The following DMRTA2 variants were observed in gnomAD, a reference collection of about 807,000 sequenced individuals.
DMRTA2 encodes doublesex- and mab-3-related transcription factor A2.
DMRTA2 carries 10 observed loss-of-function variants against 29.7 expected under a neutral mutation model. That is an observed-to-expected ratio of 0.34 (90% CI 0.21 to 0.57). The LOEUF (loss-of-function observed/expected upper bound fraction) is 0.57. DMRTA2 is among the 20% of genes least tolerant of loss of function. The probability of loss-of-function intolerance (pLI) is 0.87; values close to 1 mark genes in which losing one functional copy is unlikely to be tolerated. For synonymous variants in DMRTA2, 469 were observed against 402.6 expected (o/e 1.16, Z -1.97); for missense variants, 783 against 812.1 (o/e 0.96, Z 0.44).
Position 50,419,676 on chromosome 1 carries a change from C to G in DMRTA2, c.618G>C (p.Pro206=), listed in dbSNP as rs769754528. Reference sequence around the variant, plus strand: ...TCACCGGCGGCGGCAGCGGGCTGCCCGGGCGGCCTGCCTGCAGCAGCGTCT... The same window carrying G: ...TCACCGGCGGCGGCAGCGGGCTGCCGGGGCGGCCTGCCTGCAGCAGCGTCT... The part of the protein sequence containing the change: ...FPKTLLQAGR[P]GSPLPPPVKP... The change falls in exon 3 of 3, where the codon CCG becomes CCC. Residue 206 remains proline (P), a synonymous_variant. Transcript: ENST00000404795. The surrounding 1 kb of genome is among the most constrained non-coding windows in gnomAD (Gnocchi z 6.1). The G allele has an allele frequency of 1.3e-6, 2 of 1,496,072 alleles. No individual in the cohort carries two copies. Among genetic ancestry groups the G allele is most frequent in the Non-Finnish European group, 1.8e-6 (2 of 1,126,820 alleles). 92.7% of individuals were successfully genotyped at this position (1,496,072 alleles called of 1,614,324 possible). A position where few individuals can be genotyped will look rare whatever the true frequency, so the allele number is the denominator to read the frequency against.
rs1405723758 is a variant in DMRTA2, at chr1:50,421,249, G to A, written c.288C>T (p.Cys96=). The A allele has an allele frequency of 2.6e-6, 4 of 1,536,318 alleles. No individual in the cohort carries two copies. Among genetic ancestry groups the A allele is most frequent in the Middle Eastern group, 1.7e-4 (1 of 5,924 alleles). The change falls in exon 2 of 3, where the codon TGC becomes TGT. Residue 96 remains cysteine (C), a synonymous_variant. Coordinates refer to ENST00000404795, the MANE Select transcript of DMRTA2 (RefSeq NM_032110.3). The surrounding 1 kb of genome is among the most constrained non-coding windows in gnomAD (Gnocchi z 8.7). ...GCTCCGCGATGAGCGTGCACTTGGC[G>A]CACAGGCAGTCCTTCCAGCGACAGT... The part of the protein sequence containing the change: ...KRYCRWKDCL[C]AKCTLIAERQ...
rs1455897295 is a variant in DMRTA2 at position 50,420,330 on chromosome 1, T to A, written c.560-596A>T. On this transcript the variant is annotated intron_variant, in intron 2 of 2. Coordinates refer to ENST00000404795, the MANE Select transcript of DMRTA2 (RefSeq NM_032110.3). This position sits in a 1 kb window ranked among gnomAD's most constrained non-coding sequence, Gnocchi z 4.1. Reference sequence around the variant, plus strand: ...TTTCCCTCAACGGCTCTGGCCTAATTTCTTCCCTCCCCACAAAAAGCCACG... The same window carrying A: ...TTTCCCTCAACGGCTCTGGCCTAATATCTTCCCTCCCCACAAAAAGCCACG... 3.3e-5 allele frequency among the ~76,000 whole-genome samples: 5 copies of A among 152,150 alleles called. No individual in the cohort carries two copies. The highest frequency in any genetic ancestry group is 6.5e-5 in the Admixed American group (1 of 15,282).
rs1438057174 is a variant in DMRTA2 at position 50,420,692 on chromosome 1, G to A, written c.559+286C>T. Among the ~76,000 whole-genome samples, 1 of 152,190 alleles carries A rather than the reference G, an allele frequency of 6.6e-6. No homozygotes were observed. The highest frequency in any genetic ancestry group is 2.4e-5 in the African/African-American group (1 of 41,454). ...CCTGGGGAGAAGACGAAGCAAAGAA[G>A]CAGGGACCTGCCTGCGTTTGGGTAG... On this transcript the variant is annotated intron_variant, in intron 2 of 2. Transcript: ENST00000404795. The surrounding 1 kb of genome is among the most constrained non-coding windows in gnomAD (Gnocchi z 4.1).
At position 50,422,422 on chromosome 1, in the gene DMRTA2, A is replaced by G. The variant is rs1296454700; in HGVS notation, c.-9+694T>C. ...GCTTCATGGGCAAGGAAAACAGTGA[A>G]AAGCAGCTGATCTGGGTGTCCGGGA... On this transcript the variant is annotated intron_variant, in intron 1 of 2. Transcript: ENST00000404795. The surrounding 1 kb of genome is among the most constrained non-coding windows in gnomAD (Gnocchi z 5.7). Among the ~76,000 whole-genome samples the G allele has an allele frequency of 6.6e-6, 1 of 152,192 alleles. No homozygotes were observed. The highest frequency in any genetic ancestry group is 1.5e-5 in the Non-Finnish European group (1 of 68,024).
Position 50,421,015 on chromosome 1 carries a change from C to G in DMRTA2, c.522G>C (p.Ala174=), listed in dbSNP as rs768461476. The G allele has an allele frequency of 1.3e-5, 20 of 1,508,068 alleles. No homozygotes were observed. Among genetic ancestry groups the G allele is most frequent in the Non-Finnish European group, 1.8e-5 (20 of 1,135,210 alleles). The allele number at this position is 1,508,068 out of a possible 1,614,324, so 93.4% of individuals were successfully genotyped here. The part of the protein sequence containing the change: ...DGGGPGAGAP[A]GTGGGAAGAG... ...CGCCAGCTGCTCCGCCTCCGGTCCC[C>G]GCGGGCGCTCCCGCTCCAGGTCCCC... Residue 174 remains alanine (A), a synonymous_variant, in exon 2 of 3, where the codon GCG becomes GCC. Coordinates refer to ENST00000404795, the MANE Select transcript of DMRTA2 (RefSeq NM_032110.3). This position sits in a 1 kb window ranked among gnomAD's most constrained non-coding sequence, Gnocchi z 8.7.
Position 50,421,899 on chromosome 1 carries a change from C to T in DMRTA2, c.-8-355G>A, listed in dbSNP as rs1646041694. ...GAAAAGTTAAGATGATACCCCAAAG[C>T]TTAGCCTAATTGGGGTGAGACGGGT... On this transcript the variant is annotated intron_variant, in intron 1 of 2. Transcript: ENST00000404795. This position sits in a 1 kb window ranked among gnomAD's most constrained non-coding sequence, Gnocchi z 8.7. 1.3e-5 allele frequency among the ~76,000 whole-genome samples: 2 copies of T among 152,230 alleles called. No homozygotes were observed. Among genetic ancestry groups the T allele is most frequent in the South Asian group, 4.1e-4 (2 of 4,834 alleles).
rs2148964685 is a variant in DMRTA2, at chr1:50,418,729, T to C, written c.1565A>G (p.Lys522Arg). The change falls in exon 3 of 3, where the codon AAG becomes AGG. Residue 522 changes from lysine to arginine, a missense_variant. Lys to Arg is a conservative substitution (Grantham distance 26). Transcript: ENST00000404795. Reference sequence around the variant, plus strand: ...CAGGCCGCCGCCGTAGGTCGGCTCCTTGTGCACCGCCGCAGCAGCGGCGGC... The same window carrying C: ...CAGGCCGCCGCCGTAGGTCGGCTCCCTGTGCACCGCCGCAGCAGCGGCGGC... ...RSAAAAAAVH[K>R]EPTYGGGLYG... The C allele has an allele frequency of 1.3e-6, 2 of 1,545,964 alleles. No individual in the cohort carries two copies. Among genetic ancestry groups the C allele is most frequent in the East Asian group, 5.1e-5 (2 of 39,082 alleles).
rs1389839444 is a variant in DMRTA2 at position 50,420,987 on chromosome 1, C to T, written c.550G>A (p.Gly184Arg). The change falls in exon 2 of 3, where the codon GGG becomes AGG. Residue 184 changes from glycine to arginine, a missense_variant. Transcript: ENST00000404795. This position sits in a 1 kb window ranked among gnomAD's most constrained non-coding sequence, Gnocchi z 4.1. ...CTGGCCGCGCTCTCACCTGAGCCCC[C>T]TGCGCCAGCTGCTCCGCCTCCGGTC... ...AGTGGGAAGA[G>R]GSEAKLQKFD... is the part of the protein sequence containing the mutation. The T allele has an allele frequency of 1.3e-6, 2 of 1,499,308 alleles. No individual in the cohort carries two copies. Among genetic ancestry groups the T allele is most frequent in the Non-Finnish European group, 8.8e-7 (1 of 1,131,874 alleles). The allele number at this position is 1,499,308 out of a possible 1,614,324, so 92.9% of individuals were successfully genotyped here. A position where few individuals can be genotyped will look rare whatever the true frequency, so the allele number is the denominator to read the frequency against.
At position 50,420,888 on chromosome 1, in the gene DMRTA2, T is replaced by A. The variant is rs1274513693; in HGVS notation, c.559+90A>T. ...TCGCGGCGACTGGACACGGGGGTTCTACTCTTTCTGAACCGAGACAAGCCC... is the reference window on the plus strand; with the variant it reads ...TCGCGGCGACTGGACACGGGGGTTCAACTCTTTCTGAACCGAGACAAGCCC... On this transcript the variant is annotated intron_variant, in intron 2 of 2. Transcript: ENST00000404795. The surrounding 1 kb of genome is among the most constrained non-coding windows in gnomAD (Gnocchi z 4.1). The A allele has an allele frequency of 1.4e-6, 2 of 1,380,004 alleles. No homozygotes were observed. The highest frequency in any genetic ancestry group is 1.9e-6 in the Non-Finnish European group (2 of 1,074,548). 85.5% of individuals were successfully genotyped at this position (1,380,004 alleles called of 1,614,324 possible).
At position 50,419,467 on chromosome 1, in the gene DMRTA2, T is replaced by C; in HGVS notation, c.827A>G (p.Asp276Gly). The change falls in exon 3 of 3, where the codon GAC (aspartate) becomes GGC (glycine). Residue 276 changes from aspartate to glycine, a missense_variant. By Grantham distance (94) the Asp-to-Gly change is moderately conservative. This residue lies in a region of DMRTA2 where 667 missense variants were observed against 624.8 expected (regional missense o/e 1.07). Transcript: ENST00000404795. The surrounding 1 kb of genome is among the most constrained non-coding windows in gnomAD (Gnocchi z 6.1). ...SAGPGGGGEE[D>G]SPGSASPLGS... ...CAGAGGGCTAGCGGAGCCCGGGCTG[T>C]CCTCCTCGCCGCCGCCGCCAGGGCC... 1 of 1,596,222 alleles carries C rather than the reference T, an allele frequency of 6.3e-7. No individual in the cohort carries two copies. The highest frequency in any genetic ancestry group is 8.5e-7 in the Non-Finnish European group (1 of 1,176,818).
rs1572734431 is a variant in DMRTA2 at position 50,419,727 on chromosome 1, C to G, written c.567G>C (p.Lys189Asn). 2 of 1,472,218 alleles carry G rather than the reference C, an allele frequency of 1.4e-6. No individual in the cohort carries two copies. Among genetic ancestry groups the G allele is most frequent in the Non-Finnish European group, 9.0e-7 (1 of 1,114,894 alleles). The allele number at this position is 1,472,218 out of a possible 1,614,324, so 91.2% of individuals were successfully genotyped here. Residue 189 changes from lysine to asparagine, a missense_variant, in exon 3 of 3, where the codon AAG (lysine) becomes AAC (asparagine). Lys to Asn is a moderately conservative substitution (Grantham distance 94, BLOSUM62 0). This residue lies in a region of DMRTA2 where 667 missense variants were observed against 624.8 expected (regional missense o/e 1.07). Transcript: ENST00000404795. This position sits in a 1 kb window ranked among gnomAD's most constrained non-coding sequence, Gnocchi z 6.1. Reference sequence around the variant, plus strand: ...TAGGAAACAGGTCAAACTTCTGCAACTTGGCCTCTGGGAGGGGAGAAAACG... The same window carrying G: ...TAGGAAACAGGTCAAACTTCTGCAAGTTGGCCTCTGGGAGGGGAGAAAACG... ...GAAGAGGSEA[K>N]LQKFDLFPKT...
In DMRTA2 at chr1:50,418,899, G is replaced by C; in HGVS notation, c.1395C>G (p.Pro465=). 6.8e-7 allele frequency: 1 copy of C among 1,474,264 alleles called. No individual in the cohort carries two copies. Among genetic ancestry groups the C allele is most frequent in the Non-Finnish European group, 8.9e-7 (1 of 1,118,658 alleles). 91.3% of individuals were successfully genotyped at this position (1,474,264 alleles called of 1,614,324 possible). The part of the protein sequence containing the change: ...YPLGAPLGLS[P]LRLAYSAAAA... The stretch of plus-strand genomic sequence containing the variant: ...CCGCCGCGGAGTAGGCCAGGCGCAG[G>C]GGGCTGAGGCCGAGCGGCGCGCCCA... Residue 465 remains proline (P), a synonymous_variant, in exon 3 of 3, where the codon CCC becomes CCG. Transcript: ENST00000404795.
Position 50,419,145 on chromosome 1 carries a change from C to G in DMRTA2, c.1149G>C (p.Trp383Cys). The change falls in exon 3 of 3, where the codon TGG becomes TGC. Residue 383 changes from tryptophan to cysteine, a missense_variant. By Grantham distance (215) the Trp-to-Cys change is radical. Around this residue, in one of 3 missense-constraint regions of DMRTA2, gnomAD observed 667 missense variants for 624.8 expected, o/e 1.07. Coordinates refer to ENST00000404795, the MANE Select transcript of DMRTA2 (RefSeq NM_032110.3). The surrounding 1 kb of genome is among the most constrained non-coding windows in gnomAD (Gnocchi z 6.1). ...VGAAAAADDA[W>C]PSRVDAAAAA... ...CGGCGGCGGCGTCGACGCGGCTGGG[C>G]CACGCGTCGTCTGCAGCTGCTGCAG... The G allele has an allele frequency of 8.8e-7, 1 of 1,139,458 alleles. No individual in the cohort carries two copies. The allele number at this position is 1,139,458 out of a possible 1,614,324, so 70.6% of individuals were successfully genotyped here.
At position 50,421,617 on chromosome 1, in the gene DMRTA2, C is replaced by T. The variant is rs1646039564; in HGVS notation, c.-8-73G>A. ...ACCGCGCGCTAGGCCAAAGCGCCGC[C>T]TTGAGGAACCCAAGCTGGAGAGGGA... On this transcript the variant is annotated intron_variant, in intron 1 of 2. Coordinates refer to ENST00000404795, the MANE Select transcript of DMRTA2 (RefSeq NM_032110.3). This position sits in a 1 kb window ranked among gnomAD's most constrained non-coding sequence, Gnocchi z 8.7. 10 of 1,204,730 alleles carry T rather than the reference C, an allele frequency of 8.3e-6. No homozygotes were observed. The highest frequency in any genetic ancestry group is 1.0e-5 in the Non-Finnish European group (10 of 971,550). The allele number at this position is 1,204,730 out of a possible 1,614,324, so 74.6% of individuals were successfully genotyped here.
Position 50,423,423 on chromosome 1 carries a change from C to T in DMRTA2, c.-316G>A, listed in dbSNP as rs902651695. ...TGCGCGCAGCCGGGGCCCAGTTGCCCGGCGCTGCCAGACTCTCAATGAGCC... is the reference window on the plus strand; with the variant it reads ...TGCGCGCAGCCGGGGCCCAGTTGCCTGGCGCTGCCAGACTCTCAATGAGCC... On this transcript the variant is annotated 5_prime_UTR_variant, in exon 1 of 3. Coordinates refer to ENST00000404795, the MANE Select transcript of DMRTA2 (RefSeq NM_032110.3). 1.3e-5 allele frequency: 2 copies of T among 152,226 alleles called. No homozygotes were observed. The highest frequency in any genetic ancestry group is 2.9e-5 in the Non-Finnish European group (2 of 68,028). The allele number at this position is 152,226 out of a possible 1,614,324, so 9.4% of individuals were successfully genotyped here.
Position 50,421,640 on chromosome 1 carries a change from G to C in DMRTA2, c.-8-96C>G. The C allele has an allele frequency of 8.4e-7, 1 of 1,191,298 alleles. No individual in the cohort carries two copies. Among genetic ancestry groups the C allele is most frequent in the Non-Finnish European group, 1.0e-6 (1 of 961,982 alleles). The allele number at this position is 1,191,298 out of a possible 1,614,324, so 73.8% of individuals were successfully genotyped here. On this transcript the variant is annotated intron_variant, in intron 1 of 2. Transcript: ENST00000404795. This position sits in a 1 kb window ranked among gnomAD's most constrained non-coding sequence, Gnocchi z 8.7. ...GCCTTGAGGAACCCAAGCTGGAGAG[G>C]GAAATTTGGGCCGCGGAGGCTGGGC...
Position 50,419,494 on chromosome 1 carries a change from G to C in DMRTA2, c.800C>G (p.Ala267Gly), listed in dbSNP as rs369262371. 42 of 1,593,984 alleles carry C rather than the reference G, an allele frequency of 2.6e-5. No individual in the cohort carries two copies. Among genetic ancestry groups the C allele is most frequent in the Non-Finnish European group, 3.5e-5 (41 of 1,174,160 alleles). ...CTCCTCGCCGCCGCCGCCAGGGCCA[G>C]CGCTGCCTGGGCAGCTGCCACCTGC... is the stretch of plus-strand genomic sequence containing the variant. ...KEAGGSCPGSAGPGGGGEEDS... is the reference protein window; with the variant it reads ...KEAGGSCPGSGGPGGGGEEDS... The change falls in exon 3 of 3, where the codon GCT becomes GGT. Residue 267 changes from alanine to glycine, a missense_variant. Ala to Gly is a moderately conservative substitution (Grantham distance 60). Transcript: ENST00000404795. This position sits in a 1 kb window ranked among gnomAD's most constrained non-coding sequence, Gnocchi z 6.1.
In DMRTA2 at chr1:50,419,400, C is replaced by G. The variant is rs946645343; in HGVS notation, c.894G>C (p.Glu298Asp). The G allele has an allele frequency of 6.3e-7, 1 of 1,597,432 alleles. No individual in the cohort carries two copies. The highest frequency in any genetic ancestry group is 8.5e-7 in the Non-Finnish European group (1 of 1,179,100). The change falls in exon 3 of 3, where the codon GAG (glutamate) becomes GAC (aspartate). Residue 298 changes from glutamate to aspartate, a missense_variant. By Grantham distance (45) the Glu-to-Asp change is conservative. Around this residue, in one of 3 missense-constraint regions of DMRTA2, gnomAD observed 667 missense variants for 624.8 expected, o/e 1.07. Transcript: ENST00000404795. This position sits in a 1 kb window ranked among gnomAD's most constrained non-coding sequence, Gnocchi z 6.1. ...CGCCCAGCCCTGGCGCCGGCGCGGC[C>G]TCACCCTCTTCTTTGTCAGCCTCTG... ...SGSEADKEEG[E>D]AAPAPGLGGG...
In DMRTA2 at chr1:50,418,623, G is replaced by T; in HGVS notation, c.*42C>A. 2.2e-6 allele frequency: 3 copies of T among 1,353,134 alleles called. No homozygotes were observed. Among genetic ancestry groups the T allele is most frequent in the Non-Finnish European group, 2.9e-6 (3 of 1,044,624 alleles). The allele number at this position is 1,353,134 out of a possible 1,614,324, so 83.8% of individuals were successfully genotyped here. A position where few individuals can be genotyped will look rare whatever the true frequency, so the allele number is the denominator to read the frequency against. Reference sequence around the variant, plus strand: ...TCGATGGCCCGCGGGAACAGGGCTGGGGTTCCTGTTTGGGGACCGGCCGGC... The same window carrying T: ...TCGATGGCCCGCGGGAACAGGGCTGTGGTTCCTGTTTGGGGACCGGCCGGC... On this transcript the variant is annotated 3_prime_UTR_variant, in exon 3 of 3. Transcript: ENST00000404795.
Sources: allele counts gnomAD v4.1 joint callset (sites outside exome capture counted in the v4.1 genomes callset), GRCh38; gene constraint gnomAD v4.1.1; regional missense constraint gnomAD v4.1.1; non-coding constraint Gnocchi (gnomAD v3.1); transcripts MANE v1.5; gene names NCBI Gene and HGNC (gene_info 2026-07-23, HGNC 2026-07-21).